The following TCF24 variants were observed in gnomAD, a reference collection of about 807,000 sequenced individuals.
TCF24 encodes the protein transcription factor 24.
In TCF24, 5 loss-of-function variants were observed where a neutral mutation model predicts 9.3. The ratio of observed to expected loss-of-function variants is 0.54; its 90% CI spans 0.28 to 1.13. TCF24 has a LOEUF of 1.13. TCF24 is among the 50% of genes most tolerant of loss of function. TCF24 has a pLI of 0.09. For missense variants in TCF24, 220 were observed against 236.1 expected (o/e 0.93, Z 0.45); for synonymous variants, 110 against 115.8 (o/e 0.95, Z 0.32).
chr8:66,959,359 T>C (rs557369825), intron 3 of TCF24, among the ~76,000 whole-genome samples: 1 of 152,364 alleles, frequency 6.6e-6, no homozygotes, highest in East Asian at 1.9e-4. Flanking sequence ...AATGAGCCTT[T>C]AGTTGACCAT....
chr8:66,949,050 G>A (rs936076534), intron 3 of TCF24, among the ~76,000 whole-genome samples: 1 of 152,052 alleles, frequency 6.6e-6, no homozygotes, highest in Non-Finnish European at 1.5e-5. Flanking sequence ...ATGATACTAA[G>A]AGAACATCCT....
Position 66,961,451 on chromosome 8 carries a change from C to G in TCF24, c.315G>C (p.Leu105=), listed in dbSNP as rs754517346. The G allele has an allele frequency of 6.5e-7, 1 of 1,528,014 alleles. No individual in the cohort carries two copies. Among genetic ancestry groups the G allele is most frequent in the Non-Finnish European group, 8.7e-7 (1 of 1,143,934 alleles). The allele number at this position is 1,528,014 out of a possible 1,614,324, so 94.7% of individuals were successfully genotyped here. The change falls in exon 3 of 4, where the codon CTG becomes CTC. Residue 105 remains leucine, a synonymous_variant. Transcript: ENST00000563496. ...CCGCCGGCGCCTCGGCGTCGTCCTG[C>G]AGGCTGCGGGTGAGATGCGCGATGT... ...TTYIAHLTRS[L]QDDAEAPADA...
At chr8:66,950,144 C>T (rs1427246003) in intron 3 of TCF24, among the ~76,000 whole-genome samples, 8 of 144,176 alleles carry the variant, frequency 5.5e-5, no homozygotes, top group African/African-American at 2.1e-4. Context: ...TCTTTTGTTG[C>T]CATTGCTTTT....
In TCF24 at chr8:66,955,573, C is replaced by A. The variant is rs542417181; in HGVS notation, c.390+5803G>T. ...AATCCACAGTGCTCAAATAGAGGTA[C>A]AATTATTAACATGCCAAAGAACATT... On this transcript the variant is annotated intron_variant, in intron 3 of 3. Transcript: ENST00000563496. Among the ~76,000 whole-genome samples the A allele has an allele frequency of 3.3e-5, 5 of 152,244 alleles. No homozygotes were observed. In the South Asian group the frequency reaches 6.2e-4, roughly 19 times the overall value.
intron 3 of TCF24, among the ~76,000 whole-genome samples, chr8:66,958,308 C>T (rs1306864966): frequency 6.6e-6 from 1 of 152,194 alleles, no homozygotes; most frequent in African/African-American, 2.4e-5. Context: ...TACTTTCCCT[C>T]ATAGGGTATC....
At chr8:66,957,367 A>G (rs916734903) in intron 3 of TCF24, among the ~76,000 whole-genome samples, 1 of 149,056 alleles carries the variant, frequency 6.7e-6, no homozygotes, top group African/African-American at 2.5e-5. Flanking sequence ...CAGTGAGCCG[A>G]GATCACACCA....
At chr8:66,950,379 C>T (rs1188693163) in intron 3 of TCF24, among the ~76,000 whole-genome samples, 1 of 151,890 alleles carries the variant, frequency 6.6e-6, no homozygotes, top group African/African-American at 2.4e-5. Flanking sequence ...TTCCCCATTG[C>T]TTTTCTCAGG....
intron 3 of TCF24, among the ~76,000 whole-genome samples, chr8:66,949,537 C>T (rs1348084152): frequency 6.6e-6 from 1 of 152,176 alleles, no homozygotes; most frequent in Non-Finnish European, 1.5e-5. Context: ...CAAGTCTTTG[C>T]TATTGTGAAT....
At chr8:66,948,740 G>T (rs1814007703) in intron 3 of TCF24, among the ~76,000 whole-genome samples, 2 of 151,636 alleles carry the variant, frequency 1.3e-5, no homozygotes, top group African/African-American at 2.4e-5. Context: ...CTGTTACCCA[G>T]GCTGGAGTGC....
At chr8:66,952,630 GT>G (rs1265224683) in intron 3 of TCF24, among the ~76,000 whole-genome samples, 1 of 150,540 alleles carries the variant, frequency 6.6e-6, no homozygotes, top group Non-Finnish European at 1.5e-5. Flanking sequence ...GCAGAGCTGA[GT>G]TCAATTCCTG....
intron 3 of TCF24, among the ~76,000 whole-genome samples, chr8:66,956,338 T>C (rs2130900797): frequency 6.6e-6 from 1 of 152,244 alleles, no homozygotes; most frequent in South Asian, 2.1e-4. Context: ...TCCTGGGATC[T>C]TTGCCAAAGA....
At position 66,961,707 on chromosome 8, in the gene TCF24, AG is replaced by A; in HGVS notation, c.58del (p.Leu20TrpfsTer128). 1 of 1,092,424 alleles carries A rather than the reference AG, an allele frequency of 9.2e-7. No homozygotes were observed. The highest frequency in any genetic ancestry group is 1.1e-6 in the Non-Finnish European group (1 of 899,898). The allele number at this position is 1,092,424 out of a possible 1,614,324, so 67.7% of individuals were successfully genotyped here. A position where few individuals can be genotyped will look rare whatever the true frequency, so the allele number is the denominator to read the frequency against. ...ACGCGAGTCGCGGATGGCGGCGGCC[AG>A]GGGCGCGGGCTCGGCGCTGGCGCTG... ...PLSASAEPAP[L>X]AAAIRDSRPG... On this transcript the variant is annotated frameshift_variant, in exon 3 of 4. Transcript: ENST00000563496. LOFTEE classifies it high-confidence loss of function.
intron 3 of TCF24, among the ~76,000 whole-genome samples, chr8:66,958,466 C>G (rs997629642): frequency 6.6e-6 from 1 of 152,128 alleles, no homozygotes; most frequent in African/African-American, 2.4e-5. Flanking sequence ...AGATCAAGAC[C>G]ATCCTGGCCA....
At position 66,961,501 on chromosome 8, in the gene TCF24, CCAGCTTGGA is replaced by C; in HGVS notation, c.256_264del (p.Ser86_Leu88del). 6.6e-7 allele frequency: 1 copy of C among 1,524,196 alleles called. No homozygotes were observed. The highest frequency in any genetic ancestry group is 2.5e-5 in the East Asian group (1 of 39,266). 94.4% of individuals were successfully genotyped at this position (1,524,196 alleles called of 1,614,324 possible). ...TAGGTGGTGGCCAGCAGCAGCACGT[CCAGCTTGGA>C]CAGCTTGGTGTCGGGCGGCACGGAC... is the stretch of plus-strand genomic sequence containing the variant. On this transcript the variant is annotated inframe_deletion, in exon 3 of 4. Transcript: ENST00000563496.
In TCF24 at chr8:66,947,460, G is replaced by C. The variant is rs919304470; in HGVS notation, c.*591C>G. ...CAAGTTGCAAACACTGTAAGATACA[G>C]AATAACCCTCTAGGAAGGTGACCAA... On this transcript the variant is annotated 3_prime_UTR_variant, in exon 4 of 4. Transcript: ENST00000563496. The C allele has an allele frequency of 6.6e-6, 1 of 152,248 alleles. No individual in the cohort carries two copies. The highest frequency in any genetic ancestry group is 1.5e-5 in the Non-Finnish European group (1 of 68,070). The allele number at this position is 152,248 out of a possible 1,614,324, so 9.4% of individuals were successfully genotyped here.
intron 3 of TCF24, among the ~76,000 whole-genome samples, chr8:66,951,759 C>T (rs1163873057): frequency 6.6e-6 from 1 of 152,100 alleles, no homozygotes; most frequent in African/African-American, 2.4e-5. Flanking sequence ...TTGATTATTG[C>T]CACACTTTCA....
At position 66,946,919 on chromosome 8, in the gene TCF24, A is replaced by T. The variant is rs185401143; in HGVS notation, c.*1132T>A. 1.1e-3 allele frequency: 175 copies of T among 152,320 alleles called. No individual in the cohort carries two copies. The highest frequency in any genetic ancestry group is 3.9e-3 in the African/African-American group (163 of 41,572). The allele number at this position is 152,320 out of a possible 1,614,324, so 9.4% of individuals were successfully genotyped here. ...TCTTGCTGTTAAATTTAGTGTTTAC[A>T]ATTCAGTTTGAGGTAACTTTGAAGA... On this transcript the variant is annotated 3_prime_UTR_variant, in exon 4 of 4. Transcript: ENST00000563496.
At chr8:66,959,899 A>C (rs1814226541) in intron 3 of TCF24, among the ~76,000 whole-genome samples, 1 of 152,218 alleles carries the variant, frequency 6.6e-6, no homozygotes, top group Non-Finnish European at 1.5e-5. Context: ...TGCTATGCTT[A>C]TTATTACATG....
intron 3 of TCF24, among the ~76,000 whole-genome samples, chr8:66,951,492 G>T (rs928452758): frequency 6.6e-6 from 1 of 151,492 alleles, no homozygotes; most frequent in African/African-American, 2.4e-5. Flanking sequence ...GATTCGTTTT[G>T]CCAGTATTTT....
Sources: gnomAD v4.1 joint callset for allele counts (sites outside exome capture counted in the v4.1 genomes callset) on GRCh38, gnomAD v4.1.1 for gene constraint, MANE v1.5 for transcripts, NCBI Gene and HGNC (gene_info 2026-07-23, HGNC 2026-07-21) for gene names.